EVI5: variants seen among roughly 807,000 people sequenced by gnomAD.
EVI5 encodes the protein ecotropic viral integration site 5.
In EVI5, 73 loss-of-function variants were observed where a neutral mutation model predicts 112.0. That is an observed-to-expected ratio of 0.65 (90% CI 0.54 to 0.79). The LOEUF is 0.79. Ranked by LOEUF, EVI5 falls within the 30% of genes least tolerant of loss-of-function variation. The pLI is 0.00. For missense variants in EVI5, 900 were observed against 968.8 expected (o/e 0.93, Z 0.94); for synonymous variants, 305 against 319.9 (o/e 0.95, Z 0.50).
intron 1 of EVI5, among the ~76,000 whole-genome samples, chr1:92,745,220 G>A (rs755171232): frequency 2.5e-4 from 38 of 151,504 alleles, no homozygotes; most frequent in African/African-American, 4.1e-4. Flanking sequence ...GATGACAGGC[G>A]TGGACCACCC....
At chr1:92,762,798 T>G (rs901679202) in intron 1 of EVI5, among the ~76,000 whole-genome samples, 3 of 152,150 alleles carry the variant, frequency 2.0e-5, no homozygotes, top group African/African-American at 7.2e-5. Flanking sequence ...GTAAAACCAG[T>G]ATTTTTTAAA....
At chr1:92,646,831 C>G (rs1405996848) in intron 13 of EVI5, among the ~76,000 whole-genome samples, 1 of 152,146 alleles carries the variant, frequency 6.6e-6, no homozygotes, top group Non-Finnish European at 1.5e-5. Context: ...AACTTTGATA[C>G]AATTTCAGAG....
intron 13 of EVI5, among the ~76,000 whole-genome samples, chr1:92,652,209 T>C (rs1260348523): frequency 6.6e-6 from 1 of 152,220 alleles, no homozygotes; most frequent in Non-Finnish European, 1.5e-5. Context: ...AATGATGGAC[T>C]TTGAAAACAT....
At position 92,682,221 on chromosome 1, in the gene EVI5, C is replaced by T. The variant is rs150175600; in HGVS notation, c.1098-5003G>A. Among the ~76,000 whole-genome samples the T allele has an allele frequency of 7.4e-4, 113 of 152,274 alleles. 1 individual carries two copies. The highest frequency in any genetic ancestry group is 4.6e-3 in the South Asian group (22 of 4,814). ...ACTTCCCCCAGATAATCCCATGACT[C>T]GCACTCTTACTTCCCTCTGGTGTCG... is the stretch of plus-strand genomic sequence containing the variant. On this transcript the variant is annotated intron_variant, in intron 9 of 19. Transcript: ENST00000684568.
chr1:92,560,460 T>C (rs1428787232), intron 19 of EVI5, among the ~76,000 whole-genome samples: 1 of 152,250 alleles, frequency 6.6e-6, no homozygotes, highest in Non-Finnish European at 1.5e-5. Context: ...AGGTAGTACC[T>C]ACATGAGTGT....
chr1:92,715,548 A>C (rs1422839017), intron 2 of EVI5, among the ~76,000 whole-genome samples: 2 of 152,198 alleles, frequency 1.3e-5, no homozygotes, highest in Non-Finnish European at 2.9e-5. Flanking sequence ...TGATCGACGC[A>C]GAAGACGGGT....
chr1:92,554,672 T>C (rs1195003219), intron 19 of EVI5, among the ~76,000 whole-genome samples: 1 of 152,098 alleles, frequency 6.6e-6, no homozygotes, highest in Non-Finnish European at 1.5e-5. Context: ...AAAGAAGTCA[T>C]TAAGAATGAG....
intron 1 of EVI5, among the ~76,000 whole-genome samples, chr1:92,790,807 G>C (rs1686041519): frequency 6.7e-6 from 1 of 148,462 alleles, no homozygotes; most frequent in Non-Finnish European, 1.5e-5. Flanking sequence ...CTGGGCAACA[G>C]AGCAAGATCC....
intron 7 of EVI5, 116 bp from the exon 8 acceptor site, chr1:92,694,504 C>A (rs1669999230): frequency 3.2e-6 from 2 of 619,350 alleles, no homozygotes; most frequent in Non-Finnish European, 5.7e-6. Context: ...GGCTGGCAAA[C>A]ATTTTCTGTC....
intron 19 of EVI5, among the ~76,000 whole-genome samples, chr1:92,562,419 A>T (rs1407077689): frequency 6.6e-6 from 1 of 152,068 alleles, no homozygotes; most frequent in African/African-American, 2.4e-5. Flanking sequence ...AGTCCCAGCT[A>T]CTCAGAAGGC....
chr1:92,669,365 T>C (rs1167122725), intron 10 of EVI5, among the ~76,000 whole-genome samples: 2 of 151,852 alleles, frequency 1.3e-5, no homozygotes, highest in East Asian at 1.9e-4. Context: ...CAGGCCAACA[T>C]GGCAAAACCC....
At chr1:92,520,347 C>T (rs1660698500) in intron 19 of EVI5, among the ~76,000 whole-genome samples, 1 of 152,100 alleles carries the variant, frequency 6.6e-6, no homozygotes. Flanking sequence ...TACTTAAGCA[C>T]CTATAAGCTT....
In EVI5 at chr1:92,658,371, A is replaced by G. The variant is rs193081629; in HGVS notation, c.1392+4348T>C. On this transcript the variant is annotated intron_variant, in intron 13 of 19. Coordinates refer to ENST00000684568, the MANE Select transcript of EVI5 (RefSeq NM_001350197.2). ...CCTCCAAAAGGCTCTTAGATTTGAT[A>G]AAAGAATTCATTAAAGTTTCATAAA... Among the ~76,000 whole-genome samples, 769 of 152,348 alleles carry G rather than the reference A, an allele frequency of 5.0e-3. 23 individuals are homozygous for G. Among genetic ancestry groups the G allele is most frequent in the Admixed American group, 0.044 (673 of 15,296 alleles).
chr1:92,683,512 C>T (rs1216105156), intron 9 of EVI5, among the ~76,000 whole-genome samples: 1 of 152,180 alleles, frequency 6.6e-6, no homozygotes, highest in East Asian at 1.9e-4. Flanking sequence ...TCCAAAGGAT[C>T]ACAGCTCCTC....
At chr1:92,729,930 C>T (rs1017697674) in intron 2 of EVI5, among the ~76,000 whole-genome samples, 11 of 151,964 alleles carry the variant, frequency 7.2e-5, no homozygotes, top group Non-Finnish European at 1.2e-4. Context: ...AATGTAAAGT[C>T]GGTTTAACAT....
intron 2 of EVI5, among the ~76,000 whole-genome samples, chr1:92,722,396 T>C (rs6604011): frequency 0.9 from 136,450 of 151,678 alleles, 61,497 homozygotes; most frequent in East Asian, 0.97. Flanking sequence ...ACATGAGCCA[T>C]GTTGGTGTGC....
At chr1:92,727,820 A>T (rs1201664496) in intron 2 of EVI5, among the ~76,000 whole-genome samples, 1 of 152,148 alleles carries the variant, frequency 6.6e-6, no homozygotes, top group Admixed American at 6.6e-5. Flanking sequence ...GTTCAAGAAC[A>T]GCCTGGGCAA....
intron 10 of EVI5, among the ~76,000 whole-genome samples, chr1:92,670,538 G>A (rs1222952871): frequency 6.6e-6 from 1 of 152,056 alleles, no homozygotes; most frequent in Non-Finnish European, 1.5e-5. Flanking sequence ...ACACTACTCT[G>A]GATCAACTAT....
rs972421901 is a variant in EVI5, at chr1:92,636,237, T to C, written c.1492A>G (p.Lys498Glu). ...TCCAAGACTTTATCCTGCATCTCTT[T>C]TAATGCACACTGAGACTCAGCTTCA... ...LSEAESQCAL[K>E]EMQDKVLDIE... Residue 498 changes from lysine (K) to glutamate (E), a missense_variant, in exon 14 of 20, where the codon AAA (lysine) becomes GAA (glutamate). Transcript: ENST00000684568. 2 of 1,613,736 alleles carry C rather than the reference T, an allele frequency of 1.2e-6. No individual in the cohort carries two copies. The highest frequency in any genetic ancestry group is 2.7e-5 in the African/African-American group (2 of 75,050).
Sources: allele counts gnomAD v4.1 joint callset (sites outside exome capture counted in the v4.1 genomes callset), GRCh38; gene constraint gnomAD v4.1.1; transcripts MANE v1.5; gene names NCBI Gene and HGNC (gene_info 2026-07-23, HGNC 2026-07-21).